GATAD2A: variants seen among roughly 807,000 people sequenced by gnomAD.
GATAD2A encodes the protein GATA zinc finger domain containing 2A.
GATAD2A carries 12 observed loss-of-function variants against 68.5 expected under a neutral mutation model. The observed-to-expected ratio is 0.18, with a 90% CI of 0.11 to 0.28. The LOEUF (loss-of-function observed/expected upper bound fraction) is 0.28. GATAD2A is among the 10% of genes least tolerant of loss of function. The probability of loss-of-function intolerance (pLI) is 1.00; values close to 1 mark genes in which losing one functional copy is unlikely to be tolerated. For synonymous variants in GATAD2A, 410 were observed against 375.3 expected (o/e 1.09, Z -1.07); for missense variants, 755 against 868.5 (o/e 0.87, Z 1.64).
At chr19:19,488,961 T>C (rs2059614407) in intron 2 of GATAD2A, among the ~76,000 whole-genome samples, 1 of 152,212 alleles carries the variant, frequency 6.6e-6, no homozygotes, top group Non-Finnish European at 1.5e-5. Context: ...TCTCAGCATG[T>C]TGGGCTAGAT....
intron 1 of GATAD2A, among the ~76,000 whole-genome samples, chr19:19,421,902 A>G (rs560775779): frequency 6.6e-5 from 10 of 150,756 alleles, no homozygotes; most frequent in African/African-American, 2.2e-4. Context: ...GCTCACTGCA[A>G]CCTCCACCCC....
chr19:19,494,318 G>A lies in GATAD2A; in HGVS notation c.559G>A (p.Val187Met), dbSNP rs1461632636. The A allele has an allele frequency of 1.2e-5, 19 of 1,612,448 alleles. No homozygotes were observed. The highest frequency in any genetic ancestry group is 6.7e-5 in the East Asian group (3 of 44,872). ...GCCCACAGGTTCTGTTGGGAGCACC[G>A]TGACCACCCCTCCCCCGCTTGTTCG... Reference protein sequence around the residue: ...QKPTGSVGSTVTTPPPLVRGT... With the variant: ...QKPTGSVGSTMTTPPPLVRGT... The change falls in exon 5 of 12, where the codon GTG becomes ATG. Residue 187 changes from valine to methionine, a missense_variant. Coordinates refer to ENST00000683918, the MANE Select transcript of GATAD2A (RefSeq NM_001384528.1).
intron 1 of GATAD2A, among the ~76,000 whole-genome samples, chr19:19,416,806 A>C (rs1006698600): frequency 1.3e-5 from 2 of 151,364 alleles, no homozygotes; most frequent in African/African-American, 4.9e-5. Context: ...CTTGTTGCCC[A>C]GGCCAGAGTG....
intron 1 of GATAD2A, chr19:19,427,647 G>T: frequency 6.4e-6 from 1 of 156,108 alleles, no homozygotes; most frequent in Non-Finnish European, 1.4e-5. Context: ...CCCGTGCATT[G>T]CTTGGGGATT....
chr19:19,406,279 C>T (rs1285042648), intron 1 of GATAD2A, among the ~76,000 whole-genome samples: 1 of 151,736 alleles, frequency 6.6e-6, no homozygotes, highest in African/African-American at 2.4e-5. Flanking sequence ...GGCGTCGCCC[C>T]GCTTCCGTCC....
At chr19:19,469,282 A>T (rs530788596) in intron 2 of GATAD2A, among the ~76,000 whole-genome samples, 1 of 151,800 alleles carries the variant, frequency 6.6e-6, no homozygotes, top group African/African-American at 2.4e-5. Context: ...ATACAAAAAA[A>T]TTAGCCTGGC....
chr19:19,506,711 C>T lies in GATAD2A; in HGVS notation c.*1237C>T, dbSNP rs192403109. ...TCATTTTTGTTTCTTTCCCGTCCCA[C>T]TCTTTAAAAACTGGTTCCGTGAGGA... On this transcript the variant is annotated 3_prime_UTR_variant, in exon 12 of 12. Coordinates refer to ENST00000683918, the MANE Select transcript of GATAD2A (RefSeq NM_001384528.1). 3 of 152,128 alleles carry T rather than the reference C, an allele frequency of 2.0e-5. No homozygotes were observed. Among genetic ancestry groups the T allele is most frequent in the Admixed American group, 1.3e-4 (2 of 15,274 alleles). 9.4% of individuals were successfully genotyped at this position (152,128 alleles called of 1,614,324 possible).
intron 2 of GATAD2A, among the ~76,000 whole-genome samples, chr19:19,471,449 G>A (rs1467872505): frequency 1.3e-5 from 2 of 151,246 alleles, no homozygotes; most frequent in African/African-American, 4.9e-5. Flanking sequence ...CACTTACAGG[G>A]CATGTCCCCC....
intron 1 of GATAD2A, among the ~76,000 whole-genome samples, chr19:19,432,827 CTG>C (rs558141017): frequency 2.9e-3 from 449 of 152,226 alleles, no homozygotes; most frequent in Admixed American, 5.0e-3. Context: ...GTGTGGGCCT[CTG>C]GGGTTAGGAG....
At chr19:19,447,312 A>G (rs969522060) in intron 1 of GATAD2A, among the ~76,000 whole-genome samples, 5 of 152,038 alleles carry the variant, frequency 3.3e-5, no homozygotes, top group Admixed American at 1.3e-4. Flanking sequence ...GGTTGGTTGG[A>G]CTTGGGGGAC....
chr19:19,480,920 A>C (rs1209077828), intron 2 of GATAD2A, among the ~76,000 whole-genome samples: 1 of 152,214 alleles, frequency 6.6e-6, no homozygotes, highest in East Asian at 1.9e-4. Flanking sequence ...CACAGCGAGC[A>C]CTTTCCATTC....
intron 1 of GATAD2A, among the ~76,000 whole-genome samples, chr19:19,388,620 C>G (rs973142785): frequency 6.6e-6 from 1 of 151,800 alleles, no homozygotes; most frequent in Admixed American, 6.6e-5. Context: ...ATTTTCCAGC[C>G]GTGAGGCCAT....
intron 1 of GATAD2A, among the ~76,000 whole-genome samples, chr19:19,459,315 C>T (rs1568305355): frequency 6.6e-6 from 1 of 151,654 alleles, no homozygotes; most frequent in Non-Finnish European, 1.5e-5. Flanking sequence ...TGGTCCAGTT[C>T]CTTTCAGTTT....
chr19:19,436,066 A>G, intron 1 of GATAD2A: 1 of 814,110 alleles, frequency 1.2e-6, no homozygotes. Context: ...CATTTTAGAA[A>G]TGCCAGTATG....
At chr19:19,397,197 G>A (rs548251055) in intron 1 of GATAD2A, among the ~76,000 whole-genome samples, 1 of 152,298 alleles carries the variant, frequency 6.6e-6, no homozygotes, top group African/African-American at 2.4e-5. Context: ...AAGTTAAAAT[G>A]TGCTATAGTA....
chr19:19,390,461 G>A lies in GATAD2A; in HGVS notation c.-7+4323G>A, dbSNP rs563826951. On this transcript the variant is annotated intron_variant, in intron 1 of 11. Coordinates refer to the GATAD2A transcript ENST00000360315. ...AAAATGCCCAAAGAGAAAGAAACTT[G>A]GTATGTCTCTTGGAAAACCCACTCC... is the stretch of plus-strand genomic sequence containing the variant. 7.2e-5 allele frequency among the ~76,000 whole-genome samples: 11 copies of A among 152,194 alleles called. No individual in the cohort carries two copies. In the South Asian group the frequency reaches 2.1e-3, roughly 29 times the overall value.
At chr19:19,447,627 C>G (rs953077283) in intron 1 of GATAD2A, among the ~76,000 whole-genome samples, 1 of 152,208 alleles carries the variant, frequency 6.6e-6, no homozygotes, top group Non-Finnish European at 1.5e-5. Flanking sequence ...GGTAGACCCA[C>G]GGGCTGGGGC....
chr19:19,429,353 C>A, intron 1 of GATAD2A: 1 of 417,898 alleles, frequency 2.4e-6, no homozygotes, highest in Non-Finnish European at 3.2e-6. Context: ...GTGCAAAGGT[C>A]TGGCACGGGG....
intron 2 of GATAD2A, among the ~76,000 whole-genome samples, chr19:19,471,457 C>T (rs1481896618): frequency 1.3e-5 from 2 of 152,002 alleles, no homozygotes; most frequent in Non-Finnish European, 2.9e-5. Context: ...GGGCATGTCC[C>T]CCCAAAAAGC....
Sources: allele counts gnomAD v4.1 joint callset (sites outside exome capture counted in the v4.1 genomes callset), GRCh38; gene constraint gnomAD v4.1.1; transcripts MANE v1.5; gene names NCBI Gene and HGNC (gene_info 2026-07-23, HGNC 2026-07-21).